Variants in TOP1MT observed in about 807,000 individuals in gnomAD.
TOP1MT encodes DNA topoisomerase I mitochondrial, also known as DNA topoisomerase I, mitochondrial.
In TOP1MT, 80 loss-of-function variants were observed where a neutral mutation model predicts 73.9. The observed-to-expected ratio is 1.08, with a 90% CI of 0.90 to 1.30. The LOEUF is 1.30. Ranked by LOEUF, TOP1MT falls within the 50% of genes most tolerant of loss-of-function variation. The pLI is 0.00. For missense variants in TOP1MT, 815 were observed against 808.0 expected, an observed-to-expected ratio of 1.01 and a Z score of -0.10; for synonymous variants, 338 against 326.4, an observed-to-expected ratio of 1.04 and a Z score of -0.38.
upstream of TOP1MT, among the ~76,000 whole-genome samples, chr8:143,339,311 C>T (rs182049665): frequency 6.6e-6 from 1 of 152,336 alleles, no homozygotes; most frequent in Admixed American, 6.5e-5. Context: ...TCAAAGCAGG[C>T]GTGCGTATCA....
intron 2 of TOP1MT, 101 bp from the exon 3 acceptor site, chr8:143,329,572 T>C (rs1816797746): frequency 2.1e-6 from 3 of 1,407,772 alleles, no homozygotes; most frequent in Non-Finnish European, 2.9e-6. Flanking sequence ...GTGCGTACTA[T>C]GCCAAGAGCA....
Position 143,310,168 on chromosome 8 carries a change from C to T in TOP1MT, c.1603G>A (p.Ala535Thr). 1 of 1,607,032 alleles carries T rather than the reference C, an allele frequency of 6.2e-7. No homozygotes were observed. Among genetic ancestry groups the T allele is most frequent in the Non-Finnish European group, 8.5e-7 (1 of 1,176,864 alleles). ...TCCGTGGCCTGCACACTCAGCTGCGCCAGCTGCTCCTGCAGCTTCTCCAGG... is the reference window on the plus strand; with the variant it reads ...TCCGTGGCCTGCACACTCAGCTGCGTCAGCTGCTCCTGCAGCTTCTCCAGG... The part of the protein sequence containing the change: ...RLLEKLQEQL[A>T]QLSVQATDKE... Residue 535 changes from alanine to threonine, a missense_variant, in exon 13 of 14, where the codon GCG becomes ACG. Physicochemically the swap from Ala to Thr is moderately conservative, Grantham distance 58 (BLOSUM62 0). Around this residue, in one of 3 missense-constraint regions of TOP1MT, gnomAD observed 751 missense variants for 725.4 expected, o/e 1.04. Transcript: ENST00000329245.
At chr8:143,313,154 A>C (rs1816056622) in intron 12 of TOP1MT, among the ~76,000 whole-genome samples, 2 of 152,244 alleles carry the variant, frequency 1.3e-5, no homozygotes, top group African/African-American at 4.8e-5. Flanking sequence ...ACCTCTTAGG[A>C]GAAAACAGAG....
At chr8:143,347,805 A>C (rs969673669), upstream of TOP1MT, among the ~76,000 whole-genome samples, 1 of 152,040 alleles carries the variant, frequency 6.6e-6, no homozygotes, top group Non-Finnish European at 1.5e-5. Flanking sequence ...CCTCAGTCCA[A>C]GGTGGGCTGT....
chr8:143,327,862 C>G (rs1431585863), intron 3 of TOP1MT: 1 of 354,594 alleles, frequency 2.8e-6, no homozygotes, highest in Non-Finnish European at 5.5e-6. Context: ...ATGCAACACA[C>G]GAGCCTCGGC....
chr8:143,342,088 T>TTAGAGA (rs560758888), intron 2 of TOP1MT, among the ~76,000 whole-genome samples: 1 of 123,806 alleles, frequency 8.1e-6, no homozygotes, highest in African/African-American at 4.0e-5. Flanking sequence ...ATTATTATTA[T>TTAGAGA]TAGAGTCTCG....
intron 12 of TOP1MT, among the ~76,000 whole-genome samples, chr8:143,311,221 G>A (rs1816007460): frequency 6.7e-6 from 1 of 149,426 alleles, no homozygotes; most frequent in African/African-American, 2.5e-5. Context: ...TGCCTGCCTC[G>A]GCTGCCCAGA....
At chr8:143,334,554 G>T (rs967357198) in intron 1 of TOP1MT, among the ~76,000 whole-genome samples, 186 bp downstream of exon 1, 1 of 152,250 alleles carries the variant, frequency 6.6e-6, no homozygotes, top group Non-Finnish European at 1.5e-5. Flanking sequence ...GACGTCATGG[G>T]GGGGCCTGTA....
intron 1 of TOP1MT, chr8:143,332,384 G>A (rs992361753): frequency 2.7e-5 from 24 of 885,786 alleles, no homozygotes; most frequent in Middle Eastern, 4.4e-4. Context: ...AGGCTTTGGC[G>A]AGAGGGTGGG....
intron 6 of TOP1MT, 150 bp from the exon 7 acceptor site, chr8:143,324,292 C>A: frequency 7.5e-7 from 1 of 1,340,402 alleles, no homozygotes; most frequent in Non-Finnish European, 1.0e-6. Context: ...CTGGGTGATG[C>A]CGGCAGTGAG....
upstream of TOP1MT, chr8:143,334,945 C>CCGA: frequency 1.6e-6 from 2 of 1,215,906 alleles, no homozygotes; most frequent in Non-Finnish European, 2.0e-6. Flanking sequence ...AGCCCCGCCC[C>CCGA]CGAGCGCGGC....
chr8:143,314,069 T>G (rs1477843494), intron 12 of TOP1MT, among the ~76,000 whole-genome samples: 1 of 151,946 alleles, frequency 6.6e-6, no homozygotes. Flanking sequence ...TGGGCTCTAA[T>G]CGACACATGG....
Position 143,324,378 on chromosome 8 carries a change from C to A in TOP1MT, c.816+107G>T, listed in dbSNP as rs997096273. 21 of 1,541,074 alleles carry A rather than the reference C, an allele frequency of 1.4e-5. 1 individual carries two copies. The highest frequency in any genetic ancestry group is 7.7e-5 in the Admixed American group (4 of 52,206). ...ACCTCAGCACGGGCTGGCCGACTCC[C>A]AGCCCATCTCAGAAGCCTCTGCCGG... is the stretch of plus-strand genomic sequence containing the variant. On this transcript the variant is annotated intron_variant, in intron 6 of 13. Transcript: ENST00000329245.
At position 143,316,862 on chromosome 8, in the gene TOP1MT, C is replaced by G. The variant is rs1452306208; in HGVS notation, c.1331-736G>C. Reference sequence around the variant, plus strand: ...CCTTCATTTCCTCTCCCAGGCCCGGCCTCGGCCCCTATGCCCTCACCCAGA... The same window carrying G: ...CCTTCATTTCCTCTCCCAGGCCCGGGCTCGGCCCCTATGCCCTCACCCAGA... On this transcript the variant is annotated intron_variant, in intron 10 of 13. Coordinates refer to ENST00000329245, the MANE Select transcript of TOP1MT (RefSeq NM_052963.3). Among the ~76,000 whole-genome samples the G allele has an allele frequency of 4.6e-5, 7 of 152,228 alleles. No individual in the cohort carries two copies. In the East Asian group the frequency reaches 7.7e-4, roughly 17 times the overall value.
At chr8:143,321,488 C>A (rs62524732) in intron 7 of TOP1MT, 102 bp from the exon 8 acceptor site, 7 of 472,022 alleles carry the variant, frequency 1.5e-5, no homozygotes, top group Non-Finnish European at 2.0e-5. Flanking sequence ...CACACGCACG[C>A]CACACACGCA....
At chr8:143,322,166 G>A (rs1275238880) in intron 7 of TOP1MT, among the ~76,000 whole-genome samples, 2 of 56,034 alleles carry the variant, frequency 3.6e-5, no homozygotes, top group African/African-American at 1.4e-4. Flanking sequence ...CGCCACACAC[G>A]CATGCCACAC....
intron 12 of TOP1MT, among the ~76,000 whole-genome samples, chr8:143,315,376 G>A (rs570653607): frequency 3.9e-5 from 6 of 152,074 alleles, no homozygotes; most frequent in Non-Finnish European, 2.9e-5. Context: ...TCTCTGCCTC[G>A]GCTGCCAAAC....
At chr8:143,316,967 C>T (rs1816181130) in intron 10 of TOP1MT, among the ~76,000 whole-genome samples, 1 of 152,214 alleles carries the variant, frequency 6.6e-6, no homozygotes, top group Non-Finnish European at 1.5e-5. Context: ...CTCCGCATCC[C>T]ACAGCCCCAG....
chr8:143,317,004 C>CA (rs1188428128), intron 10 of TOP1MT, among the ~76,000 whole-genome samples: 3 of 152,222 alleles, frequency 2.0e-5, no homozygotes, highest in African/African-American at 7.2e-5. Context: ...AGGTTGTCCC[C>CA]AGGGCAGCAC....
Sources: allele counts gnomAD v4.1 joint callset (sites outside exome capture counted in the v4.1 genomes callset), GRCh38; gene constraint gnomAD v4.1.1; regional missense constraint gnomAD v4.1.1; transcripts MANE v1.5; gene names NCBI Gene and HGNC (gene_info 2026-07-23, HGNC 2026-07-21).